Variants in CCSER1 observed in about 807,000 individuals in gnomAD.
CCSER1 encodes coiled-coil serine rich protein 1.
Under a neutral mutation model 82.0 loss-of-function variants are expected in CCSER1, and 41 were observed. That is an observed-to-expected ratio of 0.50 (90% CI 0.39 to 0.65). CCSER1 has a LOEUF of 0.65. Ranked by LOEUF, CCSER1 falls within the 30% of genes least tolerant of loss-of-function variation. The probability of loss-of-function intolerance (pLI) is 0.00; values close to 1 mark genes in which losing one functional copy is unlikely to be tolerated. For missense variants in CCSER1, 1,119 were observed against 1,064.2 expected (o/e 1.05, Z -0.72); for synonymous variants, 414 against 383.9 (o/e 1.08, Z -0.92).
At chr4:91,332,726 G>A (rs1342609945) in intron 10 of CCSER1, among the ~76,000 whole-genome samples, 3 of 151,972 alleles carry the variant, frequency 2.0e-5, no homozygotes, top group Non-Finnish European at 4.4e-5. Context: ...TCTGTGGAAC[G>A]TAAGGAGCTT....
chr4:90,500,566 A>G (rs1022944953), intron 5 of CCSER1, among the ~76,000 whole-genome samples: 1 of 152,068 alleles, frequency 6.6e-6, no homozygotes, highest in African/African-American at 2.4e-5. Flanking sequence ...CCTGGCTTCA[A>G]GTGATCTACC....
intron 10 of CCSER1, among the ~76,000 whole-genome samples, chr4:91,203,475 A>G (rs911435270): frequency 6.6e-6 from 1 of 151,796 alleles, no homozygotes; most frequent in Non-Finnish European, 1.5e-5. Flanking sequence ...GGCCTCATGG[A>G]GGTTATATTC....
At chr4:91,137,049 T>C (rs1199958757) in intron 10 of CCSER1, among the ~76,000 whole-genome samples, 2 of 150,484 alleles carry the variant, frequency 1.3e-5, no homozygotes, top group African/African-American at 2.4e-5. Context: ...TTAGGGTACA[T>C]GTGCACATTG....
chr4:91,472,682 G>A (rs894839196), intron 10 of CCSER1, among the ~76,000 whole-genome samples: 1 of 152,054 alleles, frequency 6.6e-6, no homozygotes, highest in Non-Finnish European at 1.5e-5. Flanking sequence ...CAATCTCTTC[G>A]ACTGGCTCTT....
At chr4:90,523,066 C>A (rs1269015178) in intron 5 of CCSER1, among the ~76,000 whole-genome samples, 1 of 152,032 alleles carries the variant, frequency 6.6e-6, no homozygotes, top group African/African-American at 2.4e-5. Context: ...TTAAAAGAAT[C>A]TTCAGGTAGG....
At chr4:90,613,081 C>T (rs973333277) in intron 5 of CCSER1, among the ~76,000 whole-genome samples, 1 of 152,066 alleles carries the variant, frequency 6.6e-6, no homozygotes, top group Non-Finnish European at 1.5e-5. Context: ...ACTGGAAGAA[C>T]CTTGTACTAC....
intron 10 of CCSER1, among the ~76,000 whole-genome samples, chr4:91,527,707 G>GTTTAGTATGAGGTATATA (rs1400456243): frequency 2.6e-5 from 4 of 152,022 alleles, no homozygotes; most frequent in Admixed American, 2.0e-4. Context: ...TTTCAAGTAT[G>GTTTAGTATGAGGTATATA]TTTAGTATGA....
At chr4:91,473,055 A>C (rs1010571959) in intron 10 of CCSER1, among the ~76,000 whole-genome samples, 2 of 152,098 alleles carry the variant, frequency 1.3e-5, no homozygotes, top group Admixed American at 1.3e-4. Flanking sequence ...ATGATATTTC[A>C]TATTCTGTGT....
chr4:91,163,906 A>G (rs764318625), intron 10 of CCSER1, among the ~76,000 whole-genome samples: 25 of 152,308 alleles, frequency 1.6e-4, no homozygotes, highest in Non-Finnish European at 2.6e-4. Flanking sequence ...GTGTCTTTTA[A>G]TCAGGGCATT....
At chr4:90,994,206 C>A (rs1737292943) in intron 9 of CCSER1, among the ~76,000 whole-genome samples, 2 of 122,404 alleles carry the variant, frequency 1.6e-5, no homozygotes, top group Admixed American at 9.3e-5. Flanking sequence ...ATGGAAACCC[C>A]ATCTCTACAA....
intron 10 of CCSER1, among the ~76,000 whole-genome samples, chr4:91,159,641 C>A (rs962750639): frequency 1.3e-5 from 2 of 151,666 alleles, no homozygotes; most frequent in African/African-American, 4.8e-5. Flanking sequence ...TCCTTACATT[C>A]TTTAGTAGTT....
intron 5 of CCSER1, among the ~76,000 whole-genome samples, chr4:90,469,938 T>G (rs1387525246): frequency 6.6e-6 from 1 of 152,162 alleles, no homozygotes; most frequent in African/African-American, 2.4e-5. Flanking sequence ...TCCAAAAATA[T>G]GAAATTTGAA....
At chr4:91,405,069 C>T (rs974244366) in intron 10 of CCSER1, among the ~76,000 whole-genome samples, 9 of 152,134 alleles carry the variant, frequency 5.9e-5, no homozygotes, top group Non-Finnish European at 1.2e-4. Flanking sequence ...GCTTATGAAT[C>T]TGGGTGCTTC....
At chr4:90,432,385 T>C (rs142350893) in intron 4 of CCSER1, among the ~76,000 whole-genome samples, 16 of 152,304 alleles carry the variant, frequency 1.1e-4, no homozygotes, top group Non-Finnish European at 1.5e-4. Context: ...CACAACTCTT[T>C]GTGAACTCCA....
chr4:90,243,415 A>C (rs531370670), intron 1 of CCSER1, among the ~76,000 whole-genome samples: 1 of 151,348 alleles, frequency 6.6e-6, no homozygotes, highest in African/African-American at 2.4e-5. Flanking sequence ...TGCTCAGCTA[A>C]TTTTTGTATT....
At chr4:90,850,014 G>T (rs1001270494) in intron 8 of CCSER1, among the ~76,000 whole-genome samples, 2 of 152,108 alleles carry the variant, frequency 1.3e-5, no homozygotes, top group African/African-American at 4.8e-5. Context: ...GCTCTGTGCA[G>T]CCTTGGGACA....
intron 8 of CCSER1, among the ~76,000 whole-genome samples, chr4:90,821,829 C>T (rs1256188167): frequency 6.6e-6 from 1 of 151,896 alleles, no homozygotes; most frequent in African/African-American, 2.4e-5. Context: ...AATTTTATTG[C>T]TTATATGATA....
intron 10 of CCSER1, among the ~76,000 whole-genome samples, chr4:91,190,318 C>T (rs1029606639): frequency 6.6e-6 from 1 of 152,198 alleles, no homozygotes; most frequent in African/African-American, 2.4e-5. Context: ...AATCTAGCAG[C>T]ATCTTATCCC....
At chr4:90,580,920 T>C (rs1781353588) in intron 5 of CCSER1, among the ~76,000 whole-genome samples, 1 of 152,126 alleles carries the variant, frequency 6.6e-6, no homozygotes, top group African/African-American at 2.4e-5. Context: ...CATGGGGAAA[T>C]TGAGTTTTGA....
Sources: allele counts gnomAD v4.1 joint callset (sites outside exome capture counted in the v4.1 genomes callset), GRCh38; gene constraint gnomAD v4.1.1; transcripts MANE v1.5; gene names NCBI Gene and HGNC (gene_info 2026-07-23, HGNC 2026-07-21).